INPP5D: variants seen among roughly 807,000 people sequenced by gnomAD.
INPP5D encodes the protein inositol polyphosphate-5-phosphatase D.
INPP5D carries 33 observed loss-of-function variants against 122.9 expected under a neutral mutation model. That is an observed-to-expected ratio of 0.27 (90% CI 0.20 to 0.36). The LOEUF is 0.36. Among genes scored for constraint, INPP5D ranks in the 10% least tolerant of loss-of-function variants. The pLI, the probability that INPP5D is intolerant of heterozygous loss-of-function variation, is 1.00. For missense variants in INPP5D, 1,053 were observed against 1,412.7 expected (o/e 0.75, Z 4.08); for synonymous variants, 584 against 576.2 (o/e 1.01, Z -0.19).
intron 2 of INPP5D, among the ~76,000 whole-genome samples, chr2:233,083,214 G>T (rs939928186): frequency 6.6e-6 from 1 of 152,264 alleles, no homozygotes. Context: ...CAAGGAAGCT[G>T]CTGGGGAGGA....
intron 2 of INPP5D, among the ~76,000 whole-genome samples, chr2:233,119,607 C>T (rs1692908105): frequency 6.6e-6 from 1 of 152,084 alleles, no homozygotes; most frequent in Non-Finnish European, 1.5e-5. Context: ...AACTAAGACA[C>T]ACACACACAC....
At chr2:233,178,459 A>ATTATTTAT (rs58617952) in intron 18 of INPP5D, among the ~76,000 whole-genome samples, 6,439 of 145,380 alleles carry the variant, frequency 0.044, 249 homozygotes, top group African/African-American at 0.095. Context: ...GTGGTATTTT[A>ATTATTTAT]TTATTTATTT....
intron 2 of INPP5D, among the ~76,000 whole-genome samples, chr2:233,115,524 G>A (rs1166161461): frequency 5.9e-5 from 9 of 152,132 alleles, no homozygotes; most frequent in African/African-American, 1.2e-4. Context: ...TCTGGACAAC[G>A]GCTGTTCTTT....
chr2:233,068,410 C>T (rs1691286089), intron 1 of INPP5D, among the ~76,000 whole-genome samples: 1 of 151,372 alleles, frequency 6.6e-6, no homozygotes, highest in African/African-American at 2.4e-5. Context: ...CTGGCCAACA[C>T]AGTGAAACCC....
intron 25 of INPP5D, among the ~76,000 whole-genome samples, chr2:233,199,759 G>A (rs1025337485): frequency 2.6e-5 from 4 of 152,120 alleles, no homozygotes; most frequent in South Asian, 4.2e-4. Context: ...AACCCGGGAC[G>A]CAGAGGTTGC....
At position 233,128,115 on chromosome 2, in the gene INPP5D, G is replaced by A. The variant is rs6704603; in HGVS notation, c.524+2196G>A. On this transcript the variant is annotated intron_variant, in intron 4 of 26. Coordinates refer to ENST00000445964, the MANE Select transcript of INPP5D (RefSeq NM_001017915.3). This position sits in a 1 kb window ranked among gnomAD's most constrained non-coding sequence, Gnocchi z 4.5. ...GAGCTCTGCCTCCTGTCAGATCAGC[G>A]GTGGCATTAGATTCTCATGAGTGTG... Among the ~76,000 whole-genome samples the A allele has an allele frequency of 0.01, 1,580 of 152,262 alleles. 26 individuals carry two copies. The highest frequency in any genetic ancestry group is 0.037 in the African/African-American group (1,517 of 41,548).
At chr2:233,150,821 T>A (rs566011096) in intron 9 of INPP5D, among the ~76,000 whole-genome samples, 2 of 151,594 alleles carry the variant, frequency 1.3e-5, no homozygotes, top group African/African-American at 4.8e-5. Flanking sequence ...TTTTGGGGAG[T>A]GAGGGCAGGA....
Position 233,170,296 on chromosome 2 carries a change from A to G in INPP5D, c.1791+132A>G. 1 of 1,498,042 alleles carries G rather than the reference A, an allele frequency of 6.7e-7. No homozygotes were observed. The highest frequency in any genetic ancestry group is 8.9e-7 in the Non-Finnish European group (1 of 1,118,724). The allele number at this position is 1,498,042 out of a possible 1,614,324, so 92.8% of individuals were successfully genotyped here. A position where few individuals can be genotyped will look rare whatever the true frequency, so the allele number is the denominator to read the frequency against. ...AGGCGGCTGCTCCCCTTGGGGGCTC[A>G]ACGCTGTTTCCATTACTGAGCCTCA... On this transcript the variant is annotated intron_variant, in intron 15 of 26. Transcript: ENST00000445964. This position sits in a 1 kb window ranked among gnomAD's most constrained non-coding sequence, Gnocchi z 4.5.
intron 5 of INPP5D, chr2:233,134,126 C>A (rs1473423600): frequency 4.8e-6 from 2 of 417,296 alleles, no homozygotes; most frequent in Admixed American, 5.1e-5. Context: ...GATGCTGATG[C>A]CAGTTCCTGG....
At chr2:233,121,032 C>A (rs1692954326) in intron 2 of INPP5D, among the ~76,000 whole-genome samples, 1 of 150,944 alleles carries the variant, frequency 6.6e-6, no homozygotes, top group Non-Finnish European at 1.5e-5. Context: ...AACACACTCA[C>A]AAATTCTAGA....
intron 2 of INPP5D, among the ~76,000 whole-genome samples, chr2:233,110,832 G>A (rs956005736): frequency 1.3e-5 from 2 of 152,090 alleles, no homozygotes; most frequent in African/African-American, 4.8e-5. Context: ...AGCTGAGGTA[G>A]GAGAATTGCT....
chr2:233,124,255 G>T (rs952877989), intron 3 of INPP5D, among the ~76,000 whole-genome samples: 5 of 152,144 alleles, frequency 3.3e-5, no homozygotes, highest in Non-Finnish European at 5.9e-5. Flanking sequence ...AGAGAGGAGA[G>T]ATTTGTCCAC....
chr2:233,118,472 T>C (rs1404634450), intron 2 of INPP5D, among the ~76,000 whole-genome samples: 2 of 152,220 alleles, frequency 1.3e-5, no homozygotes, highest in South Asian at 2.1e-4. Context: ...ACTCTTTCTC[T>C]TCCTGTTCTA....
intron 6 of INPP5D, 41 bp from the exon 7 acceptor site, chr2:233,146,121 T>G: frequency 4.3e-6 from 3 of 703,854 alleles, no homozygotes. Flanking sequence ...ATGGTTCAGG[T>G]TCAGTGATGC....
intron 5 of INPP5D, 177 bp downstream of exon 5, chr2:233,130,825 T>G (rs568418479): frequency 1.3e-4 from 104 of 772,280 alleles, no homozygotes; most frequent in African/African-American, 4.8e-4. Context: ...CTTGTTATCA[T>G]GGAATTTGAA....
Position 233,169,285 on chromosome 2 carries a change from C to A in INPP5D, c.1556-20C>A. On this transcript the variant is annotated intron_variant, in intron 13 of 26. Transcript: ENST00000445964. ...GTGTCTGTTTGATATTTTGATTCTT[C>A]TTTCTGCTCTTCTTTTTAGGGAACA... 1.9e-6 allele frequency: 3 copies of A among 1,581,752 alleles called. No individual in the cohort carries two copies. Among genetic ancestry groups the A allele is most frequent in the Non-Finnish European group, 2.6e-6 (3 of 1,163,024 alleles).
At chr2:233,171,683 C>T (rs1694497219) in intron 17 of INPP5D, among the ~76,000 whole-genome samples, 1 of 152,190 alleles carries the variant, frequency 6.6e-6, no homozygotes. Context: ...TTCATTTGTT[C>T]AAAGATATTT....
At chr2:233,095,527 G>A (rs1692111694) in intron 2 of INPP5D, among the ~76,000 whole-genome samples, 1 of 151,340 alleles carries the variant, frequency 6.6e-6, no homozygotes, top group African/African-American at 2.4e-5. Flanking sequence ...GGAGGCTGAG[G>A]CAGGAGAATC....
At chr2:233,169,200 G>A in intron 13 of INPP5D, 105 bp from the exon 14 acceptor site, 1 of 1,506,656 alleles carries the variant, frequency 6.6e-7, no homozygotes. Flanking sequence ...TCCCTTGCCA[G>A]CTCCTCACTC....
Sources: gnomAD v4.1 joint callset for allele counts (sites outside exome capture counted in the v4.1 genomes callset) on GRCh38, gnomAD v4.1.1 for gene constraint, Gnocchi (gnomAD v3.1) non-coding constraint, MANE v1.5 for transcripts, NCBI Gene and HGNC (gene_info 2026-07-23, HGNC 2026-07-21) for gene names.